DSCAM: variants seen among roughly 807,000 people sequenced by gnomAD.
The protein encoded by DSCAM is cell adhesion molecule DSCAM.
In DSCAM, 47 loss-of-function variants were observed where a neutral mutation model predicts 217.7. The ratio of observed to expected loss-of-function variants is 0.22; its 90% CI spans 0.17 to 0.28. The LOEUF (loss-of-function observed/expected upper bound fraction) is 0.28, where lower values mean the gene tolerates loss of function less well. Among genes scored for constraint, DSCAM ranks in the 10% least tolerant of loss-of-function variants. DSCAM has a pLI of 1.00. For missense variants in DSCAM, 2,080 were observed against 2,618.3 expected, an observed-to-expected ratio of 0.79 and a Z score of 4.49; for synonymous variants, 1,056 against 1,015.3, an observed-to-expected ratio of 1.04 and a Z score of -0.76.
At chr21:40,052,566 C>G (rs1293834622) in intron 29 of DSCAM, among the ~76,000 whole-genome samples, 1 of 152,168 alleles carries the variant, frequency 6.6e-6, no homozygotes, top group African/African-American at 2.4e-5. Context: ...CTACAGTTCT[C>G]TCTACTGAGG....
intron 15 of DSCAM, among the ~76,000 whole-genome samples, chr21:40,175,770 A>AACACACACACACACACACACACAC (rs1329501944): frequency 7.9e-6 from 1 of 126,354 alleles, no homozygotes. Context: ...ATATTTTCTC[A>AACACACACACACACACACACACAC]ACACACACAT....
At chr21:40,753,315 G>A (rs1221804368) in intron 1 of DSCAM, among the ~76,000 whole-genome samples, 2 of 152,126 alleles carry the variant, frequency 1.3e-5, no homozygotes, top group Admixed American at 1.3e-4. Context: ...ACACAAAATG[G>A]AAATCCTTAA....
intron 3 of DSCAM, among the ~76,000 whole-genome samples, chr21:40,463,220 A>C (rs1222152473): frequency 1.3e-5 from 2 of 152,068 alleles, no homozygotes; most frequent in African/African-American, 2.4e-5. Context: ...AATGGCTTGC[A>C]AGCAAGGAGT....
chr21:40,425,307 C>T (rs2075461678), intron 3 of DSCAM, among the ~76,000 whole-genome samples: 1 of 151,964 alleles, frequency 6.6e-6, no homozygotes, highest in South Asian at 2.1e-4. Context: ...GGGTGGATCA[C>T]CTGAGGTCAG....
At chr21:40,767,886 CTTTCTCT>C (rs2091408163) in intron 1 of DSCAM, among the ~76,000 whole-genome samples, 1 of 148,774 alleles carries the variant, frequency 6.7e-6, no homozygotes, top group Admixed American at 7.9e-5. Context: ...CATTTTCTCT[CTTTCTCT>C]CTCTCCCTGT....
At chr21:40,565,104 G>A (rs1263579386) in intron 3 of DSCAM, among the ~76,000 whole-genome samples, 1 of 152,198 alleles carries the variant, frequency 6.6e-6, no homozygotes, top group Non-Finnish European at 1.5e-5. Flanking sequence ...TGCAGCCTTT[G>A]TATGCCTGCT....
chr21:40,749,173 TTAA>T (rs1363138461), intron 1 of DSCAM, among the ~76,000 whole-genome samples: 1 of 152,070 alleles, frequency 6.6e-6, no homozygotes, highest in Non-Finnish European at 1.5e-5. Flanking sequence ...CAAGGATTCT[TTAA>T]AGACAACCTC....
intron 8 of DSCAM, among the ~76,000 whole-genome samples, chr21:40,324,535 C>G (rs1157751648): frequency 6.6e-6 from 1 of 152,134 alleles, no homozygotes; most frequent in Non-Finnish European, 1.5e-5. Flanking sequence ...TATGAAACAT[C>G]TCTTGAAAGT....
chr21:40,098,838 G>C (rs752820309), intron 20 of DSCAM, among the ~76,000 whole-genome samples: 1 of 152,032 alleles, frequency 6.6e-6, no homozygotes, highest in Non-Finnish European at 1.5e-5. Flanking sequence ...TAGCATGCAC[G>C]TGCATGTGTA....
intron 27 of DSCAM, among the ~76,000 whole-genome samples, chr21:40,068,946 A>C (rs780240520): frequency 6.6e-6 from 1 of 152,050 alleles, no homozygotes; most frequent in Admixed American, 6.6e-5. Flanking sequence ...TTAGCCGGGC[A>C]TGGTGGTGCA....
At chr21:40,777,024 A>C (rs1386731676) in intron 1 of DSCAM, among the ~76,000 whole-genome samples, 2 of 152,186 alleles carry the variant, frequency 1.3e-5, no homozygotes, top group Non-Finnish European at 2.9e-5. Context: ...TGCTTTCACA[A>C]AAATACCATA....
intron 11 of DSCAM, among the ~76,000 whole-genome samples, chr21:40,265,120 T>G (rs73369827): frequency 0.04 from 6,096 of 151,078 alleles, 348 homozygotes; most frequent in East Asian, 0.22. Flanking sequence ...CTGAACCAGG[T>G]GGCAGAGGTT....
At chr21:40,488,418 G>A (rs924571431) in intron 3 of DSCAM, among the ~76,000 whole-genome samples, 1 of 152,212 alleles carries the variant, frequency 6.6e-6, no homozygotes, top group Non-Finnish European at 1.5e-5. Flanking sequence ...CATGTCTGAG[G>A]TTGTCTTTCT....
At chr21:40,040,348 A>ACAATC (rs1246862161) in intron 32 of DSCAM, among the ~76,000 whole-genome samples, 1 of 152,202 alleles carries the variant, frequency 6.6e-6, no homozygotes. Context: ...TTTTTAAGAA[A>ACAATC]CAATCCAACA....
rs1254295554 is a variant in DSCAM at position 40,016,287 on chromosome 21, G to T, written c.5687-2901C>A. The stretch of plus-strand genomic sequence containing the variant: ...TGGGAGTGGTGACAGAGGAGAAGGG[G>T]TTAGGGGTGACTCCTTCCCAGGCTC... On this transcript the variant is annotated intron_variant, in intron 32 of 32. Coordinates refer to ENST00000400454, the MANE Select transcript of DSCAM (RefSeq NM_001389.5). The surrounding 1 kb of genome is among the most constrained non-coding windows in gnomAD (Gnocchi z 4.3). Among the ~76,000 whole-genome samples, 1 of 152,152 alleles carries T rather than the reference G, an allele frequency of 6.6e-6. No individual in the cohort carries two copies. The highest frequency in any genetic ancestry group is 2.4e-5 in the African/African-American group (1 of 41,432).
At chr21:40,567,470 G>C (rs1950296481) in intron 3 of DSCAM, among the ~76,000 whole-genome samples, 1 of 152,268 alleles carries the variant, frequency 6.6e-6, no homozygotes, top group Non-Finnish European at 1.5e-5. Context: ...GGACATCCAA[G>C]TGAAATAAGG....
chr21:40,410,377 G>A (rs1036916305), intron 3 of DSCAM, among the ~76,000 whole-genome samples: 1 of 151,976 alleles, frequency 6.6e-6, no homozygotes, highest in Non-Finnish European at 1.5e-5. Flanking sequence ...ATATCAAGCA[G>A]TATAGAATAT....
At chr21:40,291,207 T>C (rs1267618296) in intron 10 of DSCAM, among the ~76,000 whole-genome samples, 1 of 152,226 alleles carries the variant, frequency 6.6e-6, no homozygotes, top group Non-Finnish European at 1.5e-5. Flanking sequence ...GCAGTCACCC[T>C]GGTTCCGGCC....
chr21:40,500,082 G>T (rs551464287), intron 3 of DSCAM, among the ~76,000 whole-genome samples: 1 of 152,070 alleles, frequency 6.6e-6, no homozygotes, highest in African/African-American at 2.4e-5. Flanking sequence ...CACTGCGCCC[G>T]GCTGAGTACC....
Sources: gnomAD v4.1 joint callset for allele counts (sites outside exome capture counted in the v4.1 genomes callset) on GRCh38, gnomAD v4.1.1 for gene constraint, Gnocchi (gnomAD v3.1) non-coding constraint, MANE v1.5 for transcripts, NCBI Gene and HGNC (gene_info 2026-07-23, HGNC 2026-07-21) for gene names.